PALLD: variants seen among roughly 807,000 people sequenced by gnomAD.
PALLD encodes palladin.
PALLD carries 61 observed loss-of-function variants against 123.5 expected under a neutral mutation model. The ratio of observed to expected loss-of-function variants is 0.49; its 90% CI spans 0.40 to 0.61. PALLD has a LOEUF of 0.61. Among genes scored for constraint, PALLD ranks in the 20% least tolerant of loss-of-function variants. The pLI, the probability that PALLD is intolerant of heterozygous loss-of-function variation, is 0.00. For synonymous variants in PALLD, 465 were observed against 496.4 expected (o/e 0.94, Z 0.84); for missense variants, 1,273 against 1,377.0 (o/e 0.92, Z 1.20).
chr4:168,600,045 ATACACACATATATACATACATGTG>A (rs1772433934), intron 2 of PALLD, among the ~76,000 whole-genome samples: 1 of 140,614 alleles, frequency 7.1e-6, no homozygotes, highest in Non-Finnish European at 1.6e-5. Context: ...ATACATGTGT[ATACACACATATATACATACATGTG>A]TATACACACA....
At chr4:168,757,311 C>CA (rs979284027) in intron 10 of PALLD, among the ~76,000 whole-genome samples, 5 of 151,960 alleles carry the variant, frequency 3.3e-5, no homozygotes, top group African/African-American at 9.7e-5. Flanking sequence ...ATTGCCAAGT[C>CA]AAAAAAACAT....
At chr4:168,547,864 G>GGCGT (rs1766312921) in intron 2 of PALLD, among the ~76,000 whole-genome samples, 1 of 150,804 alleles carries the variant, frequency 6.6e-6, no homozygotes, top group African/African-American at 2.4e-5. Context: ...GAAAATTACT[G>GGCGT]GAACCCGGGA....
intron 10 of PALLD, among the ~76,000 whole-genome samples, chr4:168,795,957 T>C (rs1321972761): frequency 6.6e-6 from 1 of 152,168 alleles, no homozygotes; most frequent in African/African-American, 2.4e-5. Context: ...TGAGATGTTT[T>C]GATACAGGCA....
At chr4:168,806,208 G>A (rs1250404538) in intron 10 of PALLD, among the ~76,000 whole-genome samples, 2 of 152,166 alleles carry the variant, frequency 1.3e-5, no homozygotes, top group Non-Finnish European at 2.9e-5. Flanking sequence ...GGGATTACAG[G>A]CTTGTGCCAC....
chr4:168,723,328 A>C (rs77300924), intron 10 of PALLD, among the ~76,000 whole-genome samples: 3,485 of 152,334 alleles, frequency 0.023, 66 homozygotes, highest in Non-Finnish European at 0.036. Flanking sequence ...AGTGATGGCA[A>C]AACTCTTCTG....
intron 2 of PALLD, among the ~76,000 whole-genome samples, chr4:168,556,367 T>C (rs549001852): frequency 5.3e-5 from 8 of 152,272 alleles, no homozygotes; most frequent in South Asian, 2.1e-4. Flanking sequence ...AGTGCTGGGA[T>C]TACAGGTGTA....
chr4:168,602,580 G>A (rs1385787378), intron 2 of PALLD, among the ~76,000 whole-genome samples: 4 of 152,156 alleles, frequency 2.6e-5, no homozygotes, highest in Non-Finnish European at 5.9e-5. Flanking sequence ...CTCTAGCTCT[G>A]TTGCTCAGCG....
At chr4:168,849,958 T>C (rs1351768209) in intron 10 of PALLD, among the ~76,000 whole-genome samples, 1 of 152,200 alleles carries the variant, frequency 6.6e-6, no homozygotes, top group Non-Finnish European at 1.5e-5. Context: ...TACTTACGAA[T>C]GCATTTGCTC....
chr4:168,921,383 G>A (rs561193219), intron 17 of PALLD, 151 bp from the exon 18 acceptor site: 1 of 584,242 alleles, frequency 1.7e-6, no homozygotes, highest in Non-Finnish European at 2.9e-6. Flanking sequence ...CTCCAGCCTG[G>A]GCAATAAGAG....
chr4:168,646,113 C>T (rs1777422647), intron 2 of PALLD, among the ~76,000 whole-genome samples: 1 of 152,192 alleles, frequency 6.6e-6, no homozygotes, highest in Admixed American at 6.5e-5. Context: ...GGGATGGCAG[C>T]ATGCAGCATC....
In PALLD at chr4:168,811,768, T is replaced by TCA. The variant is rs1201722924; in HGVS notation, c.1965-79153_1965-79152insAC. 2.4e-3 allele frequency among the ~76,000 whole-genome samples: 259 copies of TCA among 109,908 alleles called. 3 individuals are homozygous for TCA. Among genetic ancestry groups the TCA allele is most frequent in the African/African-American group, 7.7e-3 (240 of 31,048 alleles). 72.1% of individuals were successfully genotyped at this position (109,908 alleles called of 152,430 possible). On this transcript the variant is annotated intron_variant, in intron 10 of 21. Transcript: ENST00000505667. ...CTTTCTCTCTCTCTTTCTCTCTCTC[T>TCA]CTCTCTCTCACACACACACACACAC... is the stretch of plus-strand genomic sequence containing the variant.
At chr4:168,808,880 G>A (rs1259896590) in intron 10 of PALLD, among the ~76,000 whole-genome samples, 2 of 152,148 alleles carry the variant, frequency 1.3e-5, no homozygotes, top group African/African-American at 4.8e-5. Context: ...TGGGAATTAT[G>A]GGAGTACAGT....
At chr4:168,884,648 CT>C (rs1472386675) in intron 10 of PALLD, among the ~76,000 whole-genome samples, 1 of 152,188 alleles carries the variant, frequency 6.6e-6, no homozygotes, top group Non-Finnish European at 1.5e-5. Flanking sequence ...CTATTGTGAC[CT>C]AGTTCAACAT....
At chr4:168,708,302 A>T (rs12511925) in intron 8 of PALLD, among the ~76,000 whole-genome samples, 31,700 of 152,040 alleles carry the variant, frequency 0.21, 3,860 homozygotes, top group African/African-American at 0.33. Context: ...CCCTCACAAT[A>T]ACCGTGTGGT....
chr4:168,675,052 TC>T (rs745886714), intron 3 of PALLD, among the ~76,000 whole-genome samples: 2 of 152,246 alleles, frequency 1.3e-5, no homozygotes, highest in Non-Finnish European at 2.9e-5. Context: ...ATAGGAAAGA[TC>T]CATGTAAACA....
chr4:168,919,628 A>G (rs1285113621), intron 17 of PALLD, among the ~76,000 whole-genome samples: 1 of 152,066 alleles, frequency 6.6e-6, no homozygotes, highest in African/African-American at 2.4e-5. Context: ...CCTGACGATA[A>G]GCCAAACACT....
At chr4:168,613,249 A>G (rs1034764388) in intron 2 of PALLD, among the ~76,000 whole-genome samples, 2 of 152,192 alleles carry the variant, frequency 1.3e-5, no homozygotes, top group African/African-American at 4.8e-5. Context: ...GAAACCAAGA[A>G]AGTCCAGGAC....
intron 10 of PALLD, among the ~76,000 whole-genome samples, chr4:168,888,834 C>T (rs1195617664): frequency 6.6e-6 from 1 of 152,096 alleles, no homozygotes; most frequent in Non-Finnish European, 1.5e-5. Context: ...AAAAATTCAG[C>T]AAGGAAACAA....
intron 2 of PALLD, among the ~76,000 whole-genome samples, chr4:168,647,675 G>A (rs546740007): frequency 4.7e-4 from 71 of 151,726 alleles, no homozygotes; most frequent in African/African-American, 1.6e-3. Flanking sequence ...CAGCTACTCC[G>A]GAGGCTGAGA....
Sources: gnomAD v4.1 joint callset for allele counts (sites outside exome capture counted in the v4.1 genomes callset) on GRCh38, gnomAD v4.1.1 for gene constraint, MANE v1.5 for transcripts, NCBI Gene and HGNC (gene_info 2026-07-23, HGNC 2026-07-21) for gene names.